GHR: variants seen among roughly 807,000 people sequenced by gnomAD.
GHR encodes growth hormone receptor.
GHR carries 35 observed loss-of-function variants against 67.1 expected under a neutral mutation model. That is an observed-to-expected ratio of 0.52 (90% CI 0.40 to 0.69). The LOEUF is 0.69. Among genes scored for constraint, GHR ranks in the 30% least tolerant of loss-of-function variants. The pLI, the probability that GHR is intolerant of heterozygous loss-of-function variation, is 0.00. For synonymous variants in GHR, 272 were observed against 269.1 expected (o/e 1.01, Z -0.10); for missense variants, 792 against 764.6 (o/e 1.04, Z -0.42).
At chr5:42,570,968 C>T (rs924884429) in intron 2 of GHR, among the ~76,000 whole-genome samples, 2 of 152,122 alleles carry the variant, frequency 1.3e-5, no homozygotes, top group South Asian at 2.1e-4. Context: ...ATCACAAACA[C>T]GGGGATGTTA....
rs1754090526 is a variant in GHR, at chr5:42,634,692, G to A, written c.136+5589G>A. Among the ~76,000 whole-genome samples the A allele has an allele frequency of 2.6e-5, 4 of 152,144 alleles. No homozygotes were observed. In the South Asian group the frequency reaches 8.3e-4, roughly 32 times the overall value. On this transcript the variant is annotated intron_variant, in intron 3 of 9. Transcript: ENST00000230882. The stretch of plus-strand genomic sequence containing the variant: ...GGAGAATTTTATCTTGTCTATTGCT[G>A]AGTATAAATACTATGCCTTTCCGAA...
At chr5:42,475,444 T>C (rs1410814515) in intron 1 of GHR, among the ~76,000 whole-genome samples, 1 of 150,572 alleles carries the variant, frequency 6.6e-6, no homozygotes, top group South Asian at 2.1e-4. Flanking sequence ...ATTTTTTTTA[T>C]AAAAATTGCA....
intron 1 of GHR, chr5:42,548,036 G>A (rs1351022891): frequency 2.1e-6 from 2 of 969,174 alleles, no homozygotes; most frequent in African/African-American, 1.8e-5. Context: ...GAGTTCTAAC[G>A]CTTAGCCCTC....
chr5:42,637,825 T>C (rs191119032), intron 3 of GHR, among the ~76,000 whole-genome samples: 6 of 152,342 alleles, frequency 3.9e-5, no homozygotes, highest in Admixed American at 1.3e-4. Context: ...TACCCAGTTA[T>C]GGGATTGCTA....
intron 2 of GHR, among the ~76,000 whole-genome samples, chr5:42,608,272 T>C (rs1233142347): frequency 6.6e-6 from 1 of 152,214 alleles, no homozygotes; most frequent in Admixed American, 6.5e-5. Context: ...CACGTTTATA[T>C]AGGTAATTTA....
intron 1 of GHR, among the ~76,000 whole-genome samples, chr5:42,542,977 A>G (rs1228103658): frequency 6.6e-6 from 1 of 152,104 alleles, no homozygotes; most frequent in East Asian, 1.9e-4. Flanking sequence ...CTTCTTTTTT[A>G]TGGCTGAGTA....
intron 2 of GHR, among the ~76,000 whole-genome samples, chr5:42,586,038 ATAAGT>A (rs1751457292): frequency 6.6e-6 from 1 of 152,260 alleles, no homozygotes; most frequent in Admixed American, 6.5e-5. Flanking sequence ...TGAGGATTAA[ATAAGT>A]TAATACATAT....
At chr5:42,461,730 C>A (rs867583117) in intron 1 of GHR, among the ~76,000 whole-genome samples, 22 of 152,298 alleles carry the variant, frequency 1.4e-4, no homozygotes, top group African/African-American at 5.1e-4. Flanking sequence ...TTGATTCTAC[C>A]TCCAGCACAG....
At chr5:42,508,957 A>G (rs1410314286) in intron 1 of GHR, among the ~76,000 whole-genome samples, 1 of 152,238 alleles carries the variant, frequency 6.6e-6, no homozygotes, top group Non-Finnish European at 1.5e-5. Context: ...AAGTTATCAC[A>G]CTATGTGATG....
At chr5:42,664,815 A>G (rs1755866559) in intron 3 of GHR, among the ~76,000 whole-genome samples, 1 of 152,180 alleles carries the variant, frequency 6.6e-6, no homozygotes, top group Non-Finnish European at 1.5e-5. Context: ...GCAGCCTACA[A>G]AATGGGAGAA....
chr5:42,695,437 A>G (rs1757628687), intron 5 of GHR, among the ~76,000 whole-genome samples: 2 of 152,184 alleles, frequency 1.3e-5, no homozygotes, highest in Admixed American at 1.3e-4. Flanking sequence ...CTTCCTAATT[A>G]TTTGATAGGA....
intron 5 of GHR, 47 bp downstream of exon 5, chr5:42,695,136 A>T (rs1757612880): frequency 4.5e-6 from 6 of 1,334,634 alleles, no homozygotes; most frequent in Non-Finnish European, 6.5e-6. Context: ...TAGACTAAAT[A>T]AATGGGGAAG....
Position 42,566,772 on chromosome 5 carries a change from G to T in GHR, c.70+828G>T, listed in dbSNP as rs116008683. 7.9e-3 allele frequency among the ~76,000 whole-genome samples: 1,206 copies of T among 151,772 alleles called. 15 individuals carry two copies. Among genetic ancestry groups the T allele is most frequent in the African/African-American group, 0.028 (1,162 of 41,326 alleles). Reference sequence around the variant, plus strand: ...CCATGCTATGACACTGAATTTAGTTGTTGCTTTAAGAGTGTCAGACTCCCC... The same window carrying T: ...CCATGCTATGACACTGAATTTAGTTTTTGCTTTAAGAGTGTCAGACTCCCC... On this transcript the variant is annotated intron_variant, in intron 2 of 9. Transcript: ENST00000230882.
At position 42,424,094 on chromosome 5, in the gene GHR, T is replaced by C; in HGVS notation, c.-12+139T>C. On this transcript the variant is annotated intron_variant, in intron 1 of 9. Transcript: ENST00000230882. This position sits in a 1 kb window ranked among gnomAD's most constrained non-coding sequence, Gnocchi z 4.1. ...TATATTTACACGGATAATTTTTTAT[T>C]CCGGATGACTTGGCTGTGCTCCCCT... 1 of 164,036 alleles carries C rather than the reference T, an allele frequency of 6.1e-6. No individual in the cohort carries two copies. Among genetic ancestry groups the C allele is most frequent in the Non-Finnish European group, 1.3e-5 (1 of 75,164 alleles). 10.2% of individuals were successfully genotyped at this position (164,036 alleles called of 1,614,324 possible). A position where few individuals can be genotyped will look rare whatever the true frequency, so the allele number is the denominator to read the frequency against.
intron 1 of GHR, among the ~76,000 whole-genome samples, chr5:42,513,889 G>A (rs1036299326): frequency 6.6e-6 from 1 of 151,936 alleles, no homozygotes; most frequent in African/African-American, 2.4e-5. Context: ...TCCCTTCTTT[G>A]TTCTTATTTC....
chr5:42,712,538 T>G (rs1758514256), intron 7 of GHR, among the ~76,000 whole-genome samples: 1 of 152,166 alleles, frequency 6.6e-6, no homozygotes. Flanking sequence ...AAAATGCTTA[T>G]AATATCTCCC....
At chr5:42,594,069 T>A (rs1477367622) in intron 2 of GHR, among the ~76,000 whole-genome samples, 1 of 152,200 alleles carries the variant, frequency 6.6e-6, no homozygotes, top group East Asian at 1.9e-4. Flanking sequence ...TCTATATATC[T>A]TACCTTAATG....
chr5:42,667,511 G>C (rs1366393260), intron 3 of GHR, among the ~76,000 whole-genome samples: 1 of 152,126 alleles, frequency 6.6e-6, no homozygotes, highest in Non-Finnish European at 1.5e-5. Context: ...ATCACCTGGG[G>C]CATTTTGAAA....
chr5:42,639,731 C>T (rs759632414), intron 3 of GHR, among the ~76,000 whole-genome samples: 7 of 152,160 alleles, frequency 4.6e-5, no homozygotes, highest in Non-Finnish European at 1.0e-4. Context: ...AGTTATGCAT[C>T]TCTTGCATTG....
Sources: allele counts gnomAD v4.1 joint callset (sites outside exome capture counted in the v4.1 genomes callset), GRCh38; gene constraint gnomAD v4.1.1; non-coding constraint Gnocchi (gnomAD v3.1); transcripts MANE v1.5; gene names NCBI Gene and HGNC (gene_info 2026-07-23, HGNC 2026-07-21).